The following EVC2 variants were observed in gnomAD, a reference collection of about 807,000 sequenced individuals.
EVC2 encodes EvC ciliary complex subunit 2, also known as limbin.
EVC2 carries 148 observed loss-of-function variants against 149.3 expected under a neutral mutation model. The observed-to-expected ratio is 0.99, with a 90% CI of 0.87 to 1.14. EVC2 has a LOEUF of 1.14. EVC2 is among the 50% of genes most tolerant of loss of function. EVC2 has a pLI of 0.00. For synonymous variants in EVC2, 776 were observed against 649.9 expected (o/e 1.19, Z -2.95); for missense variants, 1,854 against 1,627.3 (o/e 1.14, Z -2.40).
chr4:5,535,335 T>C, the EVC2 span, among the ~76,000 whole-genome samples: 1 of 152,148 alleles, frequency 6.6e-6, no homozygotes, highest in African/African-American at 2.4e-5. This position sits in a 1 kb window ranked among gnomAD's most constrained non-coding sequence, Gnocchi z 4.7. Flanking sequence ...CAAGCATTTT[T>C]CTCTTCCAAA....
chr4:5,612,106 T>C (rs1428834846), intron 16 of EVC2, among the ~76,000 whole-genome samples: 2 of 152,194 alleles, frequency 1.3e-5, no homozygotes, highest in South Asian at 2.1e-4. Flanking sequence ...AAACAAGCCA[T>C]ACAGAAAAGA....
At position 5,622,546 on chromosome 4, in the gene EVC2, A is replaced by C; in HGVS notation, c.2492T>G (p.Leu831Arg). ...EQAELRRWEH[L>R]IFMKLCSSVF... ...CCGCAAAGGCACTCACATGAAGATC[A>C]GGTGCTCCCAGCGTCGCAGCTCTGC... Residue 831 changes from leucine to arginine, a missense_variant, in exon 14 of 22, where the codon CTG becomes CGG. Transcript: ENST00000344408. This position sits in a 1 kb window ranked among gnomAD's most constrained non-coding sequence, Gnocchi z 5.8. 1 of 1,613,784 alleles carries C rather than the reference A, an allele frequency of 6.2e-7. No homozygotes were observed. The highest frequency in any genetic ancestry group is 8.5e-7 in the Non-Finnish European group (1 of 1,179,916).
chr4:5,702,154 C>A (rs1271622744), intron 1 of EVC2, among the ~76,000 whole-genome samples: 2 of 152,150 alleles, frequency 1.3e-5, no homozygotes, highest in Non-Finnish European at 2.9e-5. Flanking sequence ...CAAGGCCTTG[C>A]CCGTCCCCCA....
chr4:5,602,192 CAGA>C (rs1281095613), intron 16 of EVC2, among the ~76,000 whole-genome samples: 1 of 149,528 alleles, frequency 6.7e-6, no homozygotes, highest in Non-Finnish European at 1.5e-5. Context: ...GAGGCTGACG[CAGA>C]AGAATCACTT....
intron 16 of EVC2, among the ~76,000 whole-genome samples, chr4:5,593,090 T>A (rs530383794): frequency 9.7e-4 from 148 of 152,334 alleles, no homozygotes; most frequent in African/African-American, 3.4e-3. Flanking sequence ...TGCTTCCCAC[T>A]TCTGCCATGA....
chr4:5,605,798 G>A (rs1038293522), intron 16 of EVC2, among the ~76,000 whole-genome samples: 2 of 152,180 alleles, frequency 1.3e-5, no homozygotes, highest in African/African-American at 4.8e-5. Context: ...TCCCTGCACC[G>A]AGTGGACACT....
chr4:5,565,316 C>G lies in EVC2; in HGVS notation c.3601G>C (p.Gly1201Arg), dbSNP rs1722208560. The G allele has an allele frequency of 1.2e-6, 2 of 1,614,140 alleles. No homozygotes were observed. The highest frequency in any genetic ancestry group is 1.7e-6 in the Non-Finnish European group (2 of 1,180,022). Reference protein sequence around the residue: ...WWQALDGKLRGDLISRGLEKM... With the variant: ...WWQALDGKLRRDLISRGLEKM... ...TCTAATCCTCTGCTTATCAGATCTC[C>G]TCGCAGTTTGCCATCTAAGGCTTGC... The change falls in exon 21 of 22, where the codon GGA becomes CGA. Residue 1201 changes from glycine (G) to arginine (R), a missense_variant. By Grantham distance (125) the Gly-to-Arg change is moderately radical. Coordinates refer to ENST00000344408, the MANE Select transcript of EVC2 (RefSeq NM_147127.5).
intron 9 of EVC2, among the ~76,000 whole-genome samples, chr4:5,647,940 G>A (rs930197594): frequency 6.6e-6 from 1 of 152,184 alleles, no homozygotes; most frequent in Admixed American, 6.5e-5. Context: ...ATAGAAGAAG[G>A]GGTCCCAAGT....
At chr4:5,645,879 A>C (rs897062268) in intron 9 of EVC2, among the ~76,000 whole-genome samples, 2 of 152,180 alleles carry the variant, frequency 1.3e-5, no homozygotes, top group African/African-American at 4.8e-5. Flanking sequence ...AGTCCCATCA[A>C]CAGTGTATAA....
In EVC2 at chr4:5,637,421, C is replaced by G. The variant is rs543146246; in HGVS notation, c.1470+3093G>C. Reference sequence around the variant, plus strand: ...CTGTCAAAGTGAGATCCTCTCAGTCCCTACCTCACTGAGTTGTTGTGAACG... The same window carrying G: ...CTGTCAAAGTGAGATCCTCTCAGTCGCTACCTCACTGAGTTGTTGTGAACG... On this transcript the variant is annotated intron_variant, in intron 10 of 21. Transcript: ENST00000344408. The surrounding 1 kb of genome is among the most constrained non-coding windows in gnomAD (Gnocchi z 4.4). 1.3e-5 allele frequency among the ~76,000 whole-genome samples: 2 copies of G among 152,114 alleles called. No individual in the cohort carries two copies. The highest frequency in any genetic ancestry group is 2.9e-5 in the Non-Finnish European group (2 of 68,038).
At chr4:5,615,153 G>A (rs1295345531) in intron 16 of EVC2, among the ~76,000 whole-genome samples, 3 of 152,202 alleles carry the variant, frequency 2.0e-5, no homozygotes, top group Non-Finnish European at 2.9e-5. Context: ...TCAGCCAGTG[G>A]AGGCAGCACC....
chr4:5,647,509 G>C (rs1165707608), intron 9 of EVC2, among the ~76,000 whole-genome samples: 2 of 152,166 alleles, frequency 1.3e-5, no homozygotes, highest in Non-Finnish European at 2.9e-5. Context: ...TATTGAACAT[G>C]TGTCTATGCA....
intron 1 of EVC2, among the ~76,000 whole-genome samples, chr4:5,698,191 A>G (rs756339515): frequency 1.3e-5 from 2 of 152,158 alleles, no homozygotes; most frequent in Non-Finnish European, 2.9e-5. Flanking sequence ...GGAGCTGTCA[A>G]GGGAGGCCGC....
At chr4:5,692,076 T>G (rs929789734) in intron 3 of EVC2, among the ~76,000 whole-genome samples, 3 of 152,234 alleles carry the variant, frequency 2.0e-5, no homozygotes, top group Non-Finnish European at 4.4e-5. Flanking sequence ...GACCACATCT[T>G]TCCCACTCTC....
chr4:5,595,082 G>A (rs199526844), intron 16 of EVC2, among the ~76,000 whole-genome samples: 1 of 152,154 alleles, frequency 6.6e-6, no homozygotes, highest in South Asian at 2.1e-4. Context: ...AAGACCAAAT[G>A]TACGTCTGAT....
chr4:5,584,345 C>T (rs1712075845), intron 17 of EVC2, among the ~76,000 whole-genome samples: 1 of 152,102 alleles, frequency 6.6e-6, no homozygotes, highest in African/African-American at 2.4e-5. Flanking sequence ...CTCCCTAGCA[C>T]AATGAAAGAA....
At position 5,633,463 on chromosome 4, in the gene EVC2, G is replaced by C. The variant is rs1716692860; in HGVS notation, c.1471-1431C>G. On this transcript the variant is annotated intron_variant, in intron 10 of 21. Transcript: ENST00000344408. This position sits in a 1 kb window ranked among gnomAD's most constrained non-coding sequence, Gnocchi z 4.4. Reference sequence around the variant, plus strand: ...AGAAACACAAGCTTAGAGAAGGTAAGAGCTTTCCCAAATTCTCACCCATGC... The same window carrying C: ...AGAAACACAAGCTTAGAGAAGGTAACAGCTTTCCCAAATTCTCACCCATGC... Among the ~76,000 whole-genome samples the C allele has an allele frequency of 6.6e-6, 1 of 152,256 alleles. No homozygotes were observed. Among genetic ancestry groups the C allele is most frequent in the African/African-American group, 2.4e-5 (1 of 41,474 alleles).
rs371876802 is a variant in EVC2, at chr4:5,628,623, G to A, written c.1822C>T (p.Arg608Cys). 2.0e-5 allele frequency: 33 copies of A among 1,613,848 alleles called. No individual in the cohort carries two copies. The African/African-American group carries it at 2.1e-4, about 10-fold the overall frequency. Residue 608 changes from arginine to cysteine, a missense_variant, in exon 12 of 22, where the codon CGT (arginine) becomes TGT (cysteine). Arg to Cys is a radical substitution (Grantham distance 180). Coordinates refer to ENST00000344408, the MANE Select transcript of EVC2 (RefSeq NM_147127.5). ...LVQNLQSSET[R>C]VQGLLSTAAA... ...GCGGTGCTCAGAAGGCCCTGCACACGGGTCTCTGATGACTGGAGGTTCTGG... is the reference window on the plus strand; with the variant it reads ...GCGGTGCTCAGAAGGCCCTGCACACAGGTCTCTGATGACTGGAGGTTCTGG...
At chr4:5,674,518 G>A (rs1028919090) in intron 7 of EVC2, among the ~76,000 whole-genome samples, 4 of 152,144 alleles carry the variant, frequency 2.6e-5, no homozygotes, top group African/African-American at 9.7e-5. Flanking sequence ...ACAGTGCCAG[G>A]CTTTAATAAA....
Sources: allele counts gnomAD v4.1 joint callset (sites outside exome capture counted in the v4.1 genomes callset), GRCh38; gene constraint gnomAD v4.1.1; non-coding constraint Gnocchi (gnomAD v3.1); transcripts MANE v1.5; gene names NCBI Gene and HGNC (gene_info 2026-07-23, HGNC 2026-07-21).